The following POLR1C variants were observed in gnomAD, a reference collection of about 807,000 sequenced individuals.
POLR1C encodes the protein RNA polymerase I and III subunit C.
POLR1C carries 42 observed loss-of-function variants against 38.3 expected under a neutral mutation model. The observed-to-expected ratio is 1.10, with a 90% confidence interval of 0.86 to 1.42. The LOEUF (loss-of-function observed/expected upper bound fraction) is 1.42. Among genes scored for constraint, POLR1C ranks in the 40% most tolerant of loss-of-function variants. POLR1C has a pLI of 0.00. For missense variants in POLR1C, 507 were observed against 450.5 expected, an observed-to-expected ratio of 1.13 and a Z score of -1.14; for synonymous variants, 163 against 163.9, an observed-to-expected ratio of 0.99 and a Z score of 0.04.
chr6:43,538,297 GCAC>G (rs1794477981), intron 9 of POLR1C, among the ~76,000 whole-genome samples: 1 of 151,372 alleles, frequency 6.6e-6, no homozygotes, highest in Non-Finnish European at 1.5e-5. Context: ...CTACAGGTGC[GCAC>G]CACCACACCT....
chr6:43,523,377 A>C, downstream of POLR1C: 1 of 297,336 alleles, frequency 3.4e-6, no homozygotes, highest in South Asian at 3.1e-5. Flanking sequence ...CCCCTTAGGG[A>C]GTGGGGAAAG....
At chr6:43,547,449 C>T in intron 9 of POLR1C, 1 of 722,872 alleles carries the variant, frequency 1.4e-6, no homozygotes, top group East Asian at 2.7e-5. Flanking sequence ...CTCAAGAATT[C>T]AAGACTAAAG....
downstream of POLR1C, chr6:43,525,875 C>T (rs753201564): frequency 1.2e-6 from 2 of 1,614,064 alleles, no homozygotes; most frequent in South Asian, 2.2e-5. Context: ...GGTCTGTAAG[C>T]TCTGCCATAG....
At chr6:43,519,930 A>C in intron 4 of POLR1C, 92 bp downstream of exon 4, 1 of 1,540,340 alleles carries the variant, frequency 6.5e-7, no homozygotes, top group Non-Finnish European at 8.8e-7. Flanking sequence ...TTTGTACATC[A>C]GTGTCTTTCA....
At chr6:43,525,692 G>A (rs971998818), downstream of POLR1C, 17 of 814,908 alleles carry the variant, frequency 2.1e-5, no homozygotes, top group Middle Eastern at 2.4e-4. Flanking sequence ...CTTTTCCCTC[G>A]GTTTTTTCTG....
intron 10 of POLR1C, among the ~76,000 whole-genome samples, chr6:43,558,747 CCA>C (rs1026250719): frequency 2.0e-5 from 3 of 152,262 alleles, no homozygotes; most frequent in African/African-American, 7.2e-5. Flanking sequence ...TATCACAGGT[CCA>C]CAGTTTGCTC....
chr6:43,548,467 A>G (rs759386989), intron 9 of POLR1C: 1 of 1,531,604 alleles, frequency 6.5e-7, no homozygotes, highest in Non-Finnish European at 8.8e-7. Flanking sequence ...TGGGCTACAG[A>G]TCAAAAAGAA....
At chr6:43,540,538 A>AGCTACTC (rs1356490067) in intron 9 of POLR1C, among the ~76,000 whole-genome samples, 8 of 152,204 alleles carry the variant, frequency 5.3e-5, no homozygotes, top group Non-Finnish European at 1.0e-4. Context: ...CTGTAATCCC[A>AGCTACTC]GCTACTCAGG....
downstream of POLR1C, chr6:43,523,816 G>A (rs766644466): frequency 6.2e-7 from 1 of 1,613,720 alleles, no homozygotes; most frequent in Non-Finnish European, 8.5e-7. Flanking sequence ...CGGCTACAAA[G>A]GGAAAGAAGA....
At chr6:43,530,147 C>T (rs939823117), downstream of POLR1C, among the ~76,000 whole-genome samples, 9 of 152,074 alleles carry the variant, frequency 5.9e-5, no homozygotes, top group Non-Finnish European at 1.5e-5. Flanking sequence ...ATCCCAGCTA[C>T]TTGGGAGGCT....
At chr6:43,531,354 A>G (rs1264364814), downstream of POLR1C, 6 of 844,622 alleles carry the variant, frequency 7.1e-6, no homozygotes, top group East Asian at 5.1e-5. Flanking sequence ...CACTAGAATG[A>G]TAAGTTTCCT....
chr6:43,531,998 ATAT>A (rs1794019744), downstream of POLR1C, among the ~76,000 whole-genome samples: 5 of 152,274 alleles, frequency 3.3e-5, 1 homozygote, highest in African/African-American at 1.2e-4. Context: ...TAAAATATCT[ATAT>A]TTTTAAGTGT....
At position 43,520,334 on chromosome 6, in the gene POLR1C, G is replaced by C. The variant is rs755768289; in HGVS notation, c.562G>C (p.Gly188Arg). ...LGNQADLFPE[G>R]TIRPVHDDIL... ...GAACCAGGCTGATCTCTTTCCAGAG[G>C]GCACTATCCGACCAGTGCATGATGA... Residue 188 changes from glycine to arginine, a missense_variant, in exon 6 of 9, where the codon GGC becomes CGC. Physicochemically the swap from Gly to Arg is moderately radical, Grantham distance 125. Transcript: ENST00000642195. 6.2e-7 allele frequency: 1 copy of C among 1,613,400 alleles called. No homozygotes were observed. Among genetic ancestry groups the C allele is most frequent in the Non-Finnish European group, 8.5e-7 (1 of 1,180,016 alleles).
chr6:43,546,497 G>A (rs2127727215), intron 9 of POLR1C: 1 of 1,454,706 alleles, frequency 6.9e-7, no homozygotes, highest in Non-Finnish European at 9.2e-7. Context: ...ATGAAGACAT[G>A]TAAACAGACT....
At chr6:43,540,989 A>G (rs1046268350) in intron 9 of POLR1C, among the ~76,000 whole-genome samples, 1 of 152,210 alleles carries the variant, frequency 6.6e-6, no homozygotes, top group African/African-American at 2.4e-5. Flanking sequence ...GCTAAATGAA[A>G]TAAGCCAGGC....
At chr6:43,539,773 T>A (rs1794587531) in intron 9 of POLR1C, 1 of 587,820 alleles carries the variant, frequency 1.7e-6, no homozygotes. Context: ...AGATAAATTA[T>A]CTGTTCCTTG....
intron 10 of POLR1C, chr6:43,556,181 A>G: frequency 2.0e-6 from 1 of 509,746 alleles, no homozygotes; most frequent in South Asian, 3.1e-5. Flanking sequence ...TACCAGCTAG[A>G]TCCTGTAAGT....
At chr6:43,551,225 C>G (rs1325975686) in intron 10 of POLR1C, 1 of 1,417,572 alleles carries the variant, frequency 7.1e-7, no homozygotes, top group Non-Finnish European at 9.3e-7. Context: ...ATCCTGTCTC[C>G]AAAAAAATAA....
chr6:43,521,397 A>T lies in POLR1C; in HGVS notation c.*97A>T. Reference sequence around the variant, plus strand: ...GAGCCCAGTGTGACTAGGGATCCTGAGTTTTCTGGGACAATTCCAGCTTTA... The same window carrying T: ...GAGCCCAGTGTGACTAGGGATCCTGTGTTTTCTGGGACAATTCCAGCTTTA... On this transcript the variant is annotated 3_prime_UTR_variant, in exon 9 of 9. Coordinates refer to ENST00000642195, the MANE Select transcript of POLR1C (RefSeq NM_203290.4). 1 of 1,600,036 alleles carries T rather than the reference A, an allele frequency of 6.2e-7. No individual in the cohort carries two copies. The highest frequency in any genetic ancestry group is 8.5e-7 in the Non-Finnish European group (1 of 1,174,384).
Sources: allele counts gnomAD v4.1 joint callset (sites outside exome capture counted in the v4.1 genomes callset), GRCh38; gene constraint gnomAD v4.1.1; transcripts MANE v1.5; gene names NCBI Gene and HGNC (gene_info 2026-07-23, HGNC 2026-07-21).